The following LRFN2 variants were observed in gnomAD, a reference collection of about 807,000 sequenced individuals.
LRFN2 encodes the protein leucine-rich repeat and fibronectin type-III domain-containing protein 2.
A neutral mutation model predicts 37.3 loss-of-function variants in LRFN2; 18 were observed. The observed-to-expected ratio is 0.48, with a 90% confidence interval of 0.33 to 0.72. The LOEUF is 0.72. Ranked by LOEUF, LRFN2 falls within the 30% of genes least tolerant of loss-of-function variation. LRFN2 has a pLI of 0.02. For synonymous variants in LRFN2, 556 were observed against 466.6 expected (o/e 1.19, Z -2.47); for missense variants, 1,006 against 1,060.7 (o/e 0.95, Z 0.72).
At chr6:40,538,884 A>G (rs1766500913) in intron 1 of LRFN2, among the ~76,000 whole-genome samples, 1 of 152,246 alleles carries the variant, frequency 6.6e-6, no homozygotes, top group African/African-American at 2.4e-5. Flanking sequence ...TTGTATTTTT[A>G]GAAATATTGC....
intron 1 of LRFN2, among the ~76,000 whole-genome samples, chr6:40,480,721 T>C (rs145262190): frequency 1.3e-5 from 2 of 152,276 alleles, no homozygotes; most frequent in East Asian, 3.9e-4. Context: ...ATGCCTCCCC[T>C]GGAAATAAGA....
intron 2 of LRFN2, among the ~76,000 whole-genome samples, chr6:40,399,117 C>T (rs1359017668): frequency 2.6e-5 from 4 of 151,836 alleles, no homozygotes; most frequent in East Asian, 1.9e-4. Context: ...TCTATTTTTT[C>T]GTCTCCAAGT....
intron 1 of LRFN2, among the ~76,000 whole-genome samples, chr6:40,512,020 C>T (rs1765722809): frequency 6.6e-6 from 1 of 152,182 alleles, no homozygotes; most frequent in South Asian, 2.1e-4. Context: ...AGTGAATCAC[C>T]GTGGGACACA....
chr6:40,467,827 G>A (rs905558224), intron 1 of LRFN2, among the ~76,000 whole-genome samples: 1 of 152,112 alleles, frequency 6.6e-6, no homozygotes, highest in African/African-American at 2.4e-5. Context: ...TGACCTATTA[G>A]ATGAAAGAAA....
In LRFN2 at chr6:40,496,894, G is replaced by A. The variant is rs1765240627; in HGVS notation, c.-18-63763C>T. ...AAAAGGACCTAACTAATAATCTCAGGCTTTCAGTTCCTTGCTGATGGGCCT... is the reference window on the plus strand; with the variant it reads ...AAAAGGACCTAACTAATAATCTCAGACTTTCAGTTCCTTGCTGATGGGCCT... On this transcript the variant is annotated intron_variant, in intron 1 of 2. Coordinates refer to ENST00000338305, the MANE Select transcript of LRFN2 (RefSeq NM_020737.3). Among the ~76,000 whole-genome samples the A allele has an allele frequency of 2.0e-5, 3 of 152,062 alleles. No homozygotes were observed. The South Asian group carries it at 6.2e-4, about 32-fold the overall frequency.
At chr6:40,585,025 A>C (rs1397322541) in intron 1 of LRFN2, among the ~76,000 whole-genome samples, 3 of 151,972 alleles carry the variant, frequency 2.0e-5, no homozygotes, top group Non-Finnish European at 4.4e-5. Context: ...CAGACTCCCC[A>C]GCTTCTCACG....
rs143723097 is a variant in LRFN2, at chr6:40,540,209, C to G, written c.-19+46732G>C. Reference sequence around the variant, plus strand: ...CTTGTCAGGTGCGTGCGGGGAAATACTACTCAAAGTGTCACTGCAAATAAA... The same window carrying G: ...CTTGTCAGGTGCGTGCGGGGAAATAGTACTCAAAGTGTCACTGCAAATAAA... On this transcript the variant is annotated intron_variant, in intron 1 of 2. Transcript: ENST00000338305. 2.0e-5 allele frequency among the ~76,000 whole-genome samples: 3 copies of G among 152,318 alleles called. No individual in the cohort carries two copies. In the South Asian group the frequency reaches 6.2e-4, roughly 32 times the overall value.
At chr6:40,418,686 C>T (rs1763150453) in intron 2 of LRFN2, among the ~76,000 whole-genome samples, 2 of 152,198 alleles carry the variant, frequency 1.3e-5, no homozygotes, top group South Asian at 4.1e-4. Context: ...CCCCTGCCTC[C>T]AAGCTGTGAG....
At chr6:40,539,779 G>A (rs1448079932) in intron 1 of LRFN2, among the ~76,000 whole-genome samples, 2 of 152,222 alleles carry the variant, frequency 1.3e-5, no homozygotes, top group Admixed American at 6.5e-5. Context: ...TCAGGGTAGA[G>A]AGGTTTTAGA....
intron 2 of LRFN2, among the ~76,000 whole-genome samples, chr6:40,395,518 A>G (rs572281654): frequency 3.9e-5 from 6 of 152,338 alleles, no homozygotes; most frequent in Admixed American, 2.0e-4. Context: ...TGTGTGGCCA[A>G]TGCTGCAGGG....
chr6:40,556,745 ACACACACG>A (rs60440437), intron 1 of LRFN2, among the ~76,000 whole-genome samples: 2,959 of 148,270 alleles, frequency 0.02, 122 homozygotes, highest in African/African-American at 0.065. Flanking sequence ...ACACACACAC[ACACACACG>A]CACACACTCC....
intron 1 of LRFN2, among the ~76,000 whole-genome samples, chr6:40,544,896 C>A (rs778012828): frequency 7.2e-5 from 11 of 152,160 alleles, no homozygotes; most frequent in Non-Finnish European, 1.2e-4. Flanking sequence ...AAGGAGAGAG[C>A]AAATGCGCAG....
intron 1 of LRFN2, among the ~76,000 whole-genome samples, chr6:40,444,421 G>A (rs185621641): frequency 6.6e-6 from 1 of 152,286 alleles, no homozygotes; most frequent in African/African-American, 2.4e-5. Context: ...AGAGCTGACA[G>A]GCTGATCAGA....
chr6:40,515,817 A>G (rs1242992170), intron 1 of LRFN2, among the ~76,000 whole-genome samples: 2 of 146,676 alleles, frequency 1.4e-5, no homozygotes, highest in African/African-American at 2.5e-5. Context: ...TGCTTGAACC[A>G]GGGAGGAGGA....
chr6:40,489,474 T>A (rs1765037516), intron 1 of LRFN2, among the ~76,000 whole-genome samples: 1 of 152,100 alleles, frequency 6.6e-6, no homozygotes, highest in Admixed American at 6.5e-5. Context: ...TCAACCCACC[T>A]CAGCTTGGCC....
chr6:40,405,311 C>T (rs1047586935), intron 2 of LRFN2, among the ~76,000 whole-genome samples: 1 of 152,132 alleles, frequency 6.6e-6, no homozygotes, highest in African/African-American at 2.4e-5. Context: ...TGTAGGGTTC[C>T]AATCCTGGTT....
At chr6:40,433,852 A>G (rs967957559) in intron 1 of LRFN2, among the ~76,000 whole-genome samples, 7 of 152,124 alleles carry the variant, frequency 4.6e-5, no homozygotes, top group Admixed American at 1.3e-4. Flanking sequence ...TTCATAAGCA[A>G]TTAGCCTCTA....
chr6:40,565,611 C>T (rs1361756469), intron 1 of LRFN2, among the ~76,000 whole-genome samples: 1 of 152,098 alleles, frequency 6.6e-6, no homozygotes, highest in East Asian at 1.9e-4. Context: ...CTTTGACAAA[C>T]CTGACAAAAA....
chr6:40,547,252 A>G (rs142885634), intron 1 of LRFN2, among the ~76,000 whole-genome samples: 4,038 of 152,098 alleles, frequency 0.027, 86 homozygotes, highest in Admixed American at 0.039. Flanking sequence ...CTACAGGTGC[A>G]TGCCACCACA....
Sources: gnomAD v4.1 joint callset for allele counts (sites outside exome capture counted in the v4.1 genomes callset) on GRCh38, gnomAD v4.1.1 for gene constraint, MANE v1.5 for transcripts, NCBI Gene and HGNC (gene_info 2026-07-23, HGNC 2026-07-21) for gene names.